The following CDC25B variants were observed in gnomAD, a reference collection of about 807,000 sequenced individuals.
CDC25B encodes cell division cycle 25B.
Under a neutral mutation model 69.8 loss-of-function variants are expected in CDC25B, and 33 were observed. The ratio of observed to expected loss-of-function variants is 0.47; its 90% CI spans 0.36 to 0.63. CDC25B has a LOEUF of 0.63. Among genes scored for constraint, CDC25B ranks in the 30% least tolerant of loss-of-function variants. CDC25B has a pLI of 0.00. For synonymous variants in CDC25B, 341 were observed against 314.6 expected, an observed-to-expected ratio of 1.08 and a Z score of -0.89; for missense variants, 727 against 809.1, an observed-to-expected ratio of 0.90 and a Z score of 1.23.
chr20:3,796,501 C>A lies in CDC25B; in HGVS notation c.-31C>A. The A allele has an allele frequency of 1.4e-6, 2 of 1,471,502 alleles. No individual in the cohort carries two copies. Among genetic ancestry groups the A allele is most frequent in the Non-Finnish European group, 8.9e-7 (1 of 1,117,388 alleles). 91.2% of individuals were successfully genotyped at this position (1,471,502 alleles called of 1,614,324 possible). A position where few individuals can be genotyped will look rare whatever the true frequency, so the allele number is the denominator to read the frequency against. ...TTTGTTGGCTGCCCTGCGCCCGGCC[C>A]TCCAGCCAGCCTTCTGCCGGCCCCG... is the stretch of plus-strand genomic sequence containing the variant. On this transcript the variant is annotated 5_prime_UTR_variant, in exon 1 of 16. Coordinates refer to ENST00000245960, the MANE Select transcript of CDC25B (RefSeq NM_021873.4).
intron 1 of CDC25B, among the ~76,000 whole-genome samples, chr20:3,787,366 C>T (rs1200049442): frequency 6.6e-6 from 1 of 152,086 alleles, no homozygotes; most frequent in Admixed American, 6.6e-5. Flanking sequence ...TGAACACTAG[C>T]GTATGTAACC....
At chr20:3,794,482 T>G (rs2146657810), upstream of CDC25B, among the ~76,000 whole-genome samples, 1 of 147,572 alleles carries the variant, frequency 6.8e-6, no homozygotes, top group South Asian at 2.2e-4. Flanking sequence ...GGATACCTGT[T>G]GTGTTTATTT....
upstream of CDC25B, among the ~76,000 whole-genome samples, chr20:3,791,545 T>C (rs989929477): frequency 6.6e-6 from 1 of 151,980 alleles, no homozygotes; most frequent in Non-Finnish European, 1.5e-5. Context: ...GTGCCAAGCA[T>C]AGTGGGATGC....
chr20:3,787,579 A>G (rs1401614422), intron 1 of CDC25B, among the ~76,000 whole-genome samples: 1 of 152,218 alleles, frequency 6.6e-6, no homozygotes, highest in Non-Finnish European at 1.5e-5. Context: ...AACATCATGT[A>G]TATACATAAG....
chr20:3,800,464 A>G lies in CDC25B; in HGVS notation c.425A>G (p.Glu142Gly). 6.2e-7 allele frequency: 1 copy of G among 1,614,086 alleles called. No individual in the cohort carries two copies. The change falls in exon 5 of 16, where the codon GAG becomes GGG. Residue 142 changes from glutamate (E) to glycine (G), a missense_variant and splice_region_variant. By Grantham distance (98) the Glu-to-Gly change is moderately conservative. This residue lies in a region of CDC25B where 368 missense variants were observed against 345.6 expected (regional missense o/e 1.06). Transcript: ENST00000245960. ...CCTGTCCCCATTTCCTCCTGTAGCG[A>G]GCAGTTTGCCATCAGACGCTTCCAG... is the stretch of plus-strand genomic sequence containing the variant. ...IQAASRIIRNEQFAIRRFQSM... is the reference protein window; with the variant it reads ...IQAASRIIRNGQFAIRRFQSM...
intron 3 of CDC25B, among the ~76,000 whole-genome samples, chr20:3,798,919 A>G (rs2089164137): frequency 6.6e-6 from 1 of 152,226 alleles, no homozygotes; most frequent in Admixed American, 6.5e-5. Context: ...CTCTTGGCCG[A>G]TCAGCAACCT....
Position 3,804,994 on chromosome 20 carries a change from C to G in CDC25B, c.*33C>G. 1.3e-6 allele frequency: 2 copies of G among 1,598,874 alleles called. No individual in the cohort carries two copies. The highest frequency in any genetic ancestry group is 1.7e-6 in the Non-Finnish European group (2 of 1,175,454). Reference sequence around the variant, plus strand: ...GCGCCAGTCCTGCTACCTCCCTTGCCTTTCGAGGCCTGAAGCCAGCTGCCC... The same window carrying G: ...GCGCCAGTCCTGCTACCTCCCTTGCGTTTCGAGGCCTGAAGCCAGCTGCCC... On this transcript the variant is annotated 3_prime_UTR_variant, in exon 16 of 16. Transcript: ENST00000245960.
chr20:3,791,530 A>G (rs987630802), upstream of CDC25B, among the ~76,000 whole-genome samples: 1 of 152,134 alleles, frequency 6.6e-6, no homozygotes, highest in Non-Finnish European at 1.5e-5. Flanking sequence ...AAAAAATACA[A>G]AAATGTGCCA....
Position 3,796,428 on chromosome 20 carries a change from CCCA to C in CDC25B, c.-101_-99del. On this transcript the variant is annotated 5_prime_UTR_variant, in exon 1 of 16. Transcript: ENST00000245960. Reference sequence around the variant, plus strand: ...TCCTCCCTCCCTCCTTCCCCCCCCCCCCACCCCTCGCCCGCTGCCTCCCTCGGC... The same window carrying C: ...TCCTCCCTCCCTCCTTCCCCCCCCCCCCCCTCGCCCGCTGCCTCCCTCGGC... The C allele has an allele frequency of 1.0e-5, 3 of 297,630 alleles. No homozygotes were observed. Among genetic ancestry groups the C allele is most frequent in the South Asian group, 4.4e-5 (1 of 22,712 alleles). The allele number at this position is 297,630 out of a possible 1,614,324, so 18.4% of individuals were successfully genotyped here.
intron 8 of CDC25B, 27 bp from the exon 9 acceptor site, chr20:3,801,695 A>C (rs891266103): frequency 6.4e-7 from 1 of 1,556,308 alleles, no homozygotes; most frequent in Non-Finnish European, 8.7e-7. Context: ...GTGGGTTGTG[A>C]CCCTGTCCTT....
Position 3,800,885 on chromosome 20 carries a change from G to A in CDC25B, c.582+20G>A, listed in dbSNP as rs778311397. 3.7e-6 allele frequency: 6 copies of A among 1,613,328 alleles called. No individual in the cohort carries two copies. In the Admixed American group the frequency reaches 6.7e-5, roughly 18 times the overall value. On this transcript the variant is annotated intron_variant, in intron 6 of 15. Coordinates refer to ENST00000245960, the MANE Select transcript of CDC25B (RefSeq NM_021873.4). ...GAGAATGTGCGCTTCTGGAAGGCCG[G>A]GGTGGGAGCTCTCCGGGAAGAGGAG...
rs778400837 is a variant in CDC25B, at chr20:3,797,634, G to A, written c.213G>A (p.Lys71=). 1 of 1,614,154 alleles carries A rather than the reference G, an allele frequency of 6.2e-7. No homozygotes were observed. Among genetic ancestry groups the A allele is most frequent in the Non-Finnish European group, 8.5e-7 (1 of 1,180,022 alleles). The change falls in exon 2 of 16, where the codon AAG becomes AAA. Residue 71 remains lysine, a synonymous_variant. Transcript: ENST00000245960. ...GTTCCCTTCCCAGCGAAACCCCAAA[G>A]AGTCAGGTAGGGACCCTGCTCTTCC... ...DLAGLGSETP[K]SQVGTLLFRS...
chr20:3,798,571 G>A, intron 3 of CDC25B, 108 bp downstream of exon 3: 1 of 820,054 alleles, frequency 1.2e-6, no homozygotes. Context: ...GACAGACCAT[G>A]GGGTGGCTTC....
upstream of CDC25B, chr20:3,795,715 G>GGC: frequency 2.0e-6 from 2 of 985,564 alleles, no homozygotes; most frequent in Non-Finnish European, 2.4e-6. Flanking sequence ...TCCTACGCTG[G>GGC]GCGCTTCTCC....
At chr20:3,799,235 T>C (rs1039177392) in intron 3 of CDC25B, among the ~76,000 whole-genome samples, 3 of 152,136 alleles carry the variant, frequency 2.0e-5, no homozygotes, top group Admixed American at 6.5e-5. Flanking sequence ...GGGCTGCAGA[T>C]TGGTTCACAA....
Position 3,798,471 on chromosome 20 carries a change from G to A in CDC25B, c.380+8G>A. On this transcript the variant is annotated splice_region_variant and intron_variant, in intron 3 of 15. Transcript: ENST00000245960. ...CCACATGGCGGAGCAGACGTGAGTA[G>A]AGAAGGGAATGTGTACTTCCAAGCA... 1 of 1,593,270 alleles carries A rather than the reference G, an allele frequency of 6.3e-7. No homozygotes were observed.
chr20:3,791,252 G>C (rs1394910339), intron 1 of CDC25B, among the ~76,000 whole-genome samples: 1 of 152,144 alleles, frequency 6.6e-6, no homozygotes, highest in African/African-American at 2.4e-5. Context: ...TTAGGGTCAG[G>C]GGCCAACTTT....
Position 3,797,747 on chromosome 20 carries a change from C to G in CDC25B, c.326C>G (p.Ala109Gly). 1 of 1,613,902 alleles carries G rather than the reference C, an allele frequency of 6.2e-7. No homozygotes were observed. The highest frequency in any genetic ancestry group is 8.5e-7 in the Non-Finnish European group (1 of 1,180,022). The change falls in exon 2 of 16, where the codon GCA becomes GGA. Residue 109 changes from alanine to glycine, a missense_variant and splice_region_variant. Around this residue, in one of 2 missense-constraint regions of CDC25B, gnomAD observed 368 missense variants for 345.6 expected, o/e 1.06. Coordinates refer to ENST00000245960, the MANE Select transcript of CDC25B (RefSeq NM_021873.4). Reference protein sequence around the residue: ...LSSESSESSDAGLCMDSPSPM... With the variant: ...LSSESSESSDGGLCMDSPSPM... ...TCTGAATCCTCCGAATCTTCTGATG[C>G]AGGTGAGGCCCAGGGGAGCCTGGGG...
At chr20:3,789,728 G>T (rs1027110153) in intron 1 of CDC25B, among the ~76,000 whole-genome samples, 9 of 152,140 alleles carry the variant, frequency 5.9e-5, no homozygotes, top group African/African-American at 2.2e-4. Flanking sequence ...GGTGGCTCAT[G>T]CCTGTAATCC....
Sources: allele counts gnomAD v4.1 joint callset (sites outside exome capture counted in the v4.1 genomes callset), GRCh38; gene constraint gnomAD v4.1.1; regional missense constraint gnomAD v4.1.1; transcripts MANE v1.5; gene names NCBI Gene and HGNC (gene_info 2026-07-23, HGNC 2026-07-21).